Variants in GADD45B observed in about 807,000 individuals in gnomAD.
GADD45B encodes growth arrest and DNA damage-inducible protein GADD45 beta.
Under a neutral mutation model 15.2 loss-of-function variants are expected in GADD45B, and 8 were observed. That is an observed-to-expected ratio of 0.53 (90% confidence interval 0.31 to 0.95). GADD45B has a LOEUF of 0.95. Among genes scored for constraint, GADD45B ranks in the 40% least tolerant of loss-of-function variants. GADD45B has a pLI of 0.05. For missense variants in GADD45B, 162 were observed against 216.6 expected, an observed-to-expected ratio of 0.75 and a Z score of 1.58; for synonymous variants, 100 against 89.8, an observed-to-expected ratio of 1.11 and a Z score of -0.64.
rs752517860 is a variant in GADD45B at position 2,476,384 on chromosome 19, G to A, written c.26G>A (p.Cys9Tyr). The A allele has an allele frequency of 6.2e-7, 1 of 1,613,760 alleles. No individual in the cohort carries two copies. The highest frequency in any genetic ancestry group is 1.1e-5 in the South Asian group (1 of 91,084). Residue 9 changes from cysteine to tyrosine, a missense_variant, in exon 1 of 4, where the codon TGC (cysteine) becomes TAC (tyrosine). By Grantham distance (194) the Cys-to-Tyr change is radical. Coordinates refer to ENST00000215631, the MANE Select transcript of GADD45B (RefSeq NM_015675.4). MTLEELVA[C>Y]DNAAQKMQTV... ...ATGACGCTGGAAGAGCTCGTGGCGT[G>A]CGACAACGCGGCGCAGAAGTAAGTA...
Position 2,477,824 on chromosome 19 carries a change from A to C in GADD45B, c.*223A>C, listed in dbSNP as rs1230357187. On this transcript the variant is annotated 3_prime_UTR_variant, in exon 4 of 4. Transcript: ENST00000215631. The surrounding 1 kb of genome is among the most constrained non-coding windows in gnomAD (Gnocchi z 4.2). ...CCAGGAGCTGGCGGCCGCCGATCCG[A>C]TGGAGAAGGGGGGACCCAGGCCAGC... 5 of 388,554 alleles carry C rather than the reference A, an allele frequency of 1.3e-5. No individual in the cohort carries two copies. The highest frequency in any genetic ancestry group is 2.4e-5 in the Non-Finnish European group (5 of 206,520). 24.1% of individuals were successfully genotyped at this position (388,554 alleles called of 1,614,324 possible).
In GADD45B at chr19:2,478,202, G is replaced by A. The variant is rs1485251836; in HGVS notation, c.*601G>A. On this transcript the variant is annotated 3_prime_UTR_variant, in exon 4 of 4. Transcript: ENST00000215631. ...CACTGAGAGCGAGATGGGAAGCATA[G>A]ATATCTATATTTTTATTTCTACTAT... is the stretch of plus-strand genomic sequence containing the variant. 2 of 152,136 alleles carry A rather than the reference G, an allele frequency of 1.3e-5. No individual in the cohort carries two copies. Among genetic ancestry groups the A allele is most frequent in the African/African-American group, 4.8e-5 (2 of 41,422 alleles). 9.4% of individuals were successfully genotyped at this position (152,136 alleles called of 1,614,324 possible).
intron 2 of GADD45B, 40 bp downstream of exon 2, chr19:2,476,670 C>A: frequency 1.6e-6 from 2 of 1,214,872 alleles, no homozygotes; most frequent in Non-Finnish European, 1.2e-6. Flanking sequence ...GCGGGTGGGA[C>A]GGGACCTCCC....
rs377766778 is a variant in GADD45B at position 2,477,277 on chromosome 19, G to T, written c.369+26G>T. 16 of 1,451,884 alleles carry T rather than the reference G, an allele frequency of 1.1e-5. No individual in the cohort carries two copies. The South Asian group carries it at 2.0e-4, about 18-fold the overall frequency. 89.9% of individuals were successfully genotyped at this position (1,451,884 alleles called of 1,614,324 possible). On this transcript the variant is annotated intron_variant, in intron 3 of 3. Transcript: ENST00000215631. This position sits in a 1 kb window ranked among gnomAD's most constrained non-coding sequence, Gnocchi z 4.2. Reference sequence around the variant, plus strand: ...GTGAGTCGGGCCTCTGCCCTGCCCCGCCACGCCCGGGCACCTGGGCCGGTG... The same window carrying T: ...GTGAGTCGGGCCTCTGCCCTGCCCCTCCACGCCCGGGCACCTGGGCCGGTG...
rs1378650624 is a variant in GADD45B at position 2,477,932 on chromosome 19, G to A, written c.*331G>A. 6.2e-5 allele frequency: 16 copies of A among 258,852 alleles called. No homozygotes were observed. Among genetic ancestry groups the A allele is most frequent in the Admixed American group, 4.8e-5 (1 of 20,622 alleles). The allele number at this position is 258,852 out of a possible 1,614,324, so 16.0% of individuals were successfully genotyped here. A position where few individuals can be genotyped will look rare whatever the true frequency, so the allele number is the denominator to read the frequency against. On this transcript the variant is annotated 3_prime_UTR_variant, in exon 4 of 4. Transcript: ENST00000215631. The surrounding 1 kb of genome is among the most constrained non-coding windows in gnomAD (Gnocchi z 4.2). ...GGCACGCTGCCGCCTTCCCCATCAC[G>A]GAGGGTCCAGACTGTCCACTCGGGG...
At position 2,477,415 on chromosome 19, in the gene GADD45B, C is replaced by A; in HGVS notation, c.370-73C>A. The A allele has an allele frequency of 8.7e-7, 1 of 1,146,170 alleles. No homozygotes were observed. Among genetic ancestry groups the A allele is most frequent in the South Asian group, 1.3e-5 (1 of 74,730 alleles). 71.0% of individuals were successfully genotyped at this position (1,146,170 alleles called of 1,614,324 possible). On this transcript the variant is annotated intron_variant, in intron 3 of 3. Transcript: ENST00000215631. The surrounding 1 kb of genome is among the most constrained non-coding windows in gnomAD (Gnocchi z 4.2). Reference sequence around the variant, plus strand: ...TCCTCACCCAGGAAGCTATTTTGAGCCTGACTGTTTTCCCCACACAGGGGC... The same window carrying A: ...TCCTCACCCAGGAAGCTATTTTGAGACTGACTGTTTTCCCCACACAGGGGC...
rs1972331306 is a variant in GADD45B at position 2,477,307 on chromosome 19, T to G, written c.369+56T>G. ...GCCCGGGCACCTGGGCCGGTGTTTGTCAACAAAGTCGGGCTGACTGGTCCT... is the reference window on the plus strand; with the variant it reads ...GCCCGGGCACCTGGGCCGGTGTTTGGCAACAAAGTCGGGCTGACTGGTCCT... On this transcript the variant is annotated intron_variant, in intron 3 of 3. Transcript: ENST00000215631. The surrounding 1 kb of genome is among the most constrained non-coding windows in gnomAD (Gnocchi z 4.2). The G allele has an allele frequency of 1.6e-6, 2 of 1,281,062 alleles. No homozygotes were observed. The highest frequency in any genetic ancestry group is 1.1e-6 in the Non-Finnish European group (1 of 930,218). 79.4% of individuals were successfully genotyped at this position (1,281,062 alleles called of 1,614,324 possible). A position where few individuals can be genotyped will look rare whatever the true frequency, so the allele number is the denominator to read the frequency against.
At chr19:2,476,708 T>A in intron 2 of GADD45B, 78 bp downstream of exon 2, 1 of 859,642 alleles carries the variant, frequency 1.2e-6, no homozygotes. Flanking sequence ...TCCGCACGCT[T>A]GTCTTGCATG....
rs368495318 is a variant in GADD45B at position 2,477,230 on chromosome 19, C to T, written c.348C>T (p.Asp116=). The T allele has an allele frequency of 2.6e-4, 417 of 1,590,744 alleles. 5 individuals carry two copies. In the South Asian group the frequency reaches 4.3e-3, roughly 16 times the overall value. Residue 116 remains aspartate (D), a synonymous_variant, in exon 3 of 4, where the codon GAC becomes GAT. Coordinates refer to ENST00000215631, the MANE Select transcript of GADD45B (RefSeq NM_015675.4). The surrounding 1 kb of genome is among the most constrained non-coding windows in gnomAD (Gnocchi z 4.2). ...CCCAGGGCACCACCGAGGCCCGAGA[C>T]CTGCATTGTCTCCTGGTCACGGTGA... ...AETQGTTEAR[D]LHCLLVTNPH...
chr19:2,477,179 G>T lies in GADD45B; in HGVS notation c.297G>T (p.Ala99=). 6.2e-7 allele frequency: 1 copy of T among 1,612,314 alleles called. No homozygotes were observed. Among genetic ancestry groups the T allele is most frequent in the Non-Finnish European group, 8.5e-7 (1 of 1,179,866 alleles). The stretch of plus-strand genomic sequence containing the variant: ...GGGTGTCGGGCATGCAGCGCCTGGC[G>T]CAGCTCCTGGGAGAGCCGGCCGAGA... The part of the protein sequence containing the change: ...IVRVSGMQRL[A]QLLGEPAETQ... The change falls in exon 3 of 4, where the codon GCG becomes GCT. Residue 99 remains alanine, a synonymous_variant. Transcript: ENST00000215631. The surrounding 1 kb of genome is among the most constrained non-coding windows in gnomAD (Gnocchi z 4.2).
In GADD45B at chr19:2,477,198, G is replaced by A; in HGVS notation, c.316G>A (p.Ala106Thr). ...QRLAQLLGEP[A>T]ETQGTTEARD... ...CCTGGCGCAGCTCCTGGGAGAGCCGGCCGAGACCCAGGGCACCACCGAGGC... is the reference window on the plus strand; with the variant it reads ...CCTGGCGCAGCTCCTGGGAGAGCCGACCGAGACCCAGGGCACCACCGAGGC... The change falls in exon 3 of 4, where the codon GCC becomes ACC. Residue 106 changes from alanine to threonine, a missense_variant. Ala to Thr is a moderately conservative substitution (Grantham distance 58, BLOSUM62 0). Coordinates refer to ENST00000215631, the MANE Select transcript of GADD45B (RefSeq NM_015675.4). This position sits in a 1 kb window ranked among gnomAD's most constrained non-coding sequence, Gnocchi z 4.2. The A allele has an allele frequency of 6.2e-7, 1 of 1,608,790 alleles. No individual in the cohort carries two copies.
At position 2,476,331 on chromosome 19, in the gene GADD45B, C is replaced by T. The variant is rs1599353327; in HGVS notation, c.-28C>T. ...TTCTCCCTGGGGACTGCCGTGGAGC[C>T]GCATCCACTGTGGATTATAATTGCA... On this transcript the variant is annotated 5_prime_UTR_variant, in exon 1 of 4. Transcript: ENST00000215631. The T allele has an allele frequency of 1.2e-6, 2 of 1,612,276 alleles. No individual in the cohort carries two copies. Among genetic ancestry groups the T allele is most frequent in the Non-Finnish European group, 1.7e-6 (2 of 1,178,538 alleles).
At position 2,476,178 on chromosome 19, in the gene GADD45B, C is replaced by G. The variant is rs1972308775; in HGVS notation, c.-181C>G. 1.5e-6 allele frequency: 1 copy of G among 661,360 alleles called. No homozygotes were observed. Among genetic ancestry groups the G allele is most frequent in the East Asian group, 2.6e-5 (1 of 38,074 alleles). 41.0% of individuals were successfully genotyped at this position (661,360 alleles called of 1,614,324 possible). ...TGGTTTCCGCAACTTCCTGGATTATCCTCGCCAAGGACTTTGCAATATATT... is the reference window on the plus strand; with the variant it reads ...TGGTTTCCGCAACTTCCTGGATTATGCTCGCCAAGGACTTTGCAATATATT... On this transcript the variant is annotated 5_prime_UTR_variant, in exon 1 of 4. In the 5' UTR this introduces an upstream ATG that the reference lacks. Transcript: ENST00000215631.
Position 2,477,422 on chromosome 19 carries a change from GT to G in GADD45B, c.370-62del. 8.3e-7 allele frequency: 1 copy of G among 1,202,908 alleles called. No homozygotes were observed. Among genetic ancestry groups the G allele is most frequent in the Non-Finnish European group, 1.2e-6 (1 of 830,452 alleles). 74.5% of individuals were successfully genotyped at this position (1,202,908 alleles called of 1,614,324 possible). A position where few individuals can be genotyped will look rare whatever the true frequency, so the allele number is the denominator to read the frequency against. ...CCAGGAAGCTATTTTGAGCCTGACT[GT>G]TTTCCCCACACAGGGGCCCCGGGAG... On this transcript the variant is annotated intron_variant, in intron 3 of 3. Coordinates refer to ENST00000215631, the MANE Select transcript of GADD45B (RefSeq NM_015675.4). This position sits in a 1 kb window ranked among gnomAD's most constrained non-coding sequence, Gnocchi z 4.2.
intron 1 of GADD45B, 53 bp downstream of exon 1, chr19:2,476,455 G>A (rs1972314693): frequency 6.2e-7 from 1 of 1,605,484 alleles, no homozygotes; most frequent in Admixed American, 1.7e-5. Flanking sequence ...GGATGGGTCG[G>A]GTTGGGCCGG....
At chr19:2,476,472 A>T in intron 1 of GADD45B, 57 bp from the exon 2 acceptor site, 1 of 1,597,836 alleles carries the variant, frequency 6.3e-7, no homozygotes, top group Middle Eastern at 1.7e-4. Context: ...CCGGGCCGGG[A>T]GCGGAACGTA....
chr19:2,476,498 C>T, intron 1 of GADD45B, 31 bp from the exon 2 acceptor site: 3 of 1,601,058 alleles, frequency 1.9e-6, no homozygotes, highest in Non-Finnish European at 2.6e-6. Flanking sequence ...CGGTGGTCCG[C>T]CCGTCACTGA....
intron 1 of GADD45B, 55 bp from the exon 2 acceptor site, chr19:2,476,474 C>G: frequency 6.3e-7 from 1 of 1,598,448 alleles, no homozygotes; most frequent in Non-Finnish European, 8.6e-7. Context: ...GGGCCGGGAG[C>G]GGAACGTAGC....
chr19:2,477,164 C>T lies in GADD45B; in HGVS notation c.282C>T (p.Gly94=). The T allele has an allele frequency of 1.2e-6, 2 of 1,613,348 alleles. No homozygotes were observed. Among genetic ancestry groups the T allele is most frequent in the Non-Finnish European group, 1.7e-6 (2 of 1,179,914 alleles). Residue 94 remains glycine (G), a synonymous_variant, in exon 3 of 4, where the codon GGC becomes GGT. Transcript: ENST00000215631. This position sits in a 1 kb window ranked among gnomAD's most constrained non-coding sequence, Gnocchi z 4.2. ...DNDINIVRVS[G]MQRLAQLLGE... ...ACATCAACATCGTGCGGGTGTCGGG[C>T]ATGCAGCGCCTGGCGCAGCTCCTGG...
Sources: allele counts gnomAD v4.1 joint callset, GRCh38; gene constraint gnomAD v4.1.1; non-coding constraint Gnocchi (gnomAD v3.1); transcripts MANE v1.5; gene names NCBI Gene and HGNC (gene_info 2026-07-23, HGNC 2026-07-21).